The following ST8SIA4 variants were observed in gnomAD, a reference collection of about 807,000 sequenced individuals.
ST8SIA4 encodes ST8 alpha-N-acetyl-neuraminide alpha-2,8-sialyltransferase 4, also known as CMP-N-acetylneuraminate-poly-alpha-2,8-sialyltransferase.
ST8SIA4 carries 15 observed loss-of-function variants against 33.9 expected under a neutral mutation model. That is an observed-to-expected ratio of 0.44 (90% CI 0.30 to 0.68). The LOEUF is 0.68. ST8SIA4 is among the 30% of genes least tolerant of loss of function. ST8SIA4 has a pLI of 0.10. For synonymous variants in ST8SIA4, 171 were observed against 151.2 expected, an observed-to-expected ratio of 1.13 and a Z score of -0.96; for missense variants, 321 against 428.0, an observed-to-expected ratio of 0.75 and a Z score of 2.21.
intron 4 of ST8SIA4, among the ~76,000 whole-genome samples, chr5:100,819,312 A>C (rs1421230092): frequency 1.3e-5 from 2 of 152,208 alleles, no homozygotes; most frequent in Non-Finnish European, 2.9e-5. Flanking sequence ...GGAAATTCTA[A>C]GTGGTTCCTA....
Position 100,812,311 on chromosome 5 carries a change from T to C in ST8SIA4, c.798-182A>G, listed in dbSNP as rs536566261. Among the ~76,000 whole-genome samples the C allele has an allele frequency of 6.3e-4, 96 of 152,320 alleles. No homozygotes were observed. The South Asian group carries it at 6.6e-3, about 11-fold the overall frequency. On this transcript the variant is annotated intron_variant, in intron 4 of 4. Coordinates refer to ENST00000231461, the MANE Select transcript of ST8SIA4 (RefSeq NM_005668.6). ...TGATGCTTTTATTTTATTTCTTCTT[T>C]ATCCTTTATTTTCTTTCTTATTCTT...
At chr5:100,897,476 C>T (rs1208420592) in intron 1 of ST8SIA4, among the ~76,000 whole-genome samples, 4 of 152,052 alleles carry the variant, frequency 2.6e-5, no homozygotes, top group Non-Finnish European at 5.9e-5. Context: ...CTTTACATCG[C>T]CTTTTACTTC....
At chr5:100,835,200 T>A (rs1375183400) in intron 4 of ST8SIA4, among the ~76,000 whole-genome samples, 1 of 152,154 alleles carries the variant, frequency 6.6e-6, no homozygotes, top group African/African-American at 2.4e-5. Flanking sequence ...AAATGGCACA[T>A]GATTAGCTAT....
At chr5:100,856,003 A>C in intron 4 of ST8SIA4, 100 bp downstream of exon 4, 1 of 1,081,062 alleles carries the variant, frequency 9.3e-7, no homozygotes, top group Non-Finnish European at 1.3e-6. Context: ...ACATATATCC[A>C]TTTGGAGATT....
At chr5:100,836,759 A>T (rs1340433675) in intron 4 of ST8SIA4, among the ~76,000 whole-genome samples, 1 of 152,020 alleles carries the variant, frequency 6.6e-6, no homozygotes, top group Non-Finnish European at 1.5e-5. Flanking sequence ...TTCTAAAAGC[A>T]TTATCTCCAG....
intron 4 of ST8SIA4, among the ~76,000 whole-genome samples, chr5:100,820,299 C>T (rs1751010596): frequency 1.3e-5 from 2 of 152,080 alleles, no homozygotes; most frequent in South Asian, 4.1e-4. Flanking sequence ...CTTTATCTGA[C>T]ATAACATGCA....
intron 4 of ST8SIA4, among the ~76,000 whole-genome samples, chr5:100,854,194 C>G (rs1207370782): frequency 6.6e-6 from 1 of 151,506 alleles, no homozygotes; most frequent in African/African-American, 2.4e-5. Context: ...AAGGCGGTGA[C>G]TTACTCTCCA....
At chr5:100,839,111 A>T (rs1306924650) in intron 4 of ST8SIA4, among the ~76,000 whole-genome samples, 1 of 151,972 alleles carries the variant, frequency 6.6e-6, no homozygotes, top group Non-Finnish European at 1.5e-5. Flanking sequence ...TACAGGCATG[A>T]GCCACCACAC....
At chr5:100,889,507 C>A (rs892395567) in intron 2 of ST8SIA4, among the ~76,000 whole-genome samples, 1 of 151,876 alleles carries the variant, frequency 6.6e-6, no homozygotes, top group Non-Finnish European at 1.5e-5. Context: ...AAGGGAAAAT[C>A]TATTTTATTT....
At chr5:100,862,528 A>T (rs1751969106) in intron 3 of ST8SIA4, among the ~76,000 whole-genome samples, 1 of 151,516 alleles carries the variant, frequency 6.6e-6, no homozygotes, top group Non-Finnish European at 1.5e-5. Flanking sequence ...CCTCCTAAGT[A>T]GCTGGGATTA....
In ST8SIA4 at chr5:100,842,556, G is replaced by A. The variant is rs142195159; in HGVS notation, c.797+13547C>T. On this transcript the variant is annotated intron_variant, in intron 4 of 4. Coordinates refer to ENST00000231461, the MANE Select transcript of ST8SIA4 (RefSeq NM_005668.6). The stretch of plus-strand genomic sequence containing the variant: ...CCAGTTTTTATTATTCTCAGATAGG[G>A]GCTATTAACATTTATAATGACTGTA... 2.0e-5 allele frequency among the ~76,000 whole-genome samples: 3 copies of A among 151,770 alleles called. No homozygotes were observed. In the East Asian group the frequency reaches 5.8e-4, roughly 29 times the overall value.
intron 3 of ST8SIA4, among the ~76,000 whole-genome samples, chr5:100,857,666 T>G (rs1234578341): frequency 6.6e-6 from 1 of 152,042 alleles, no homozygotes; most frequent in Non-Finnish European, 1.5e-5. Flanking sequence ...ATTGAATTAT[T>G]AAACATTTTA....
intron 4 of ST8SIA4, among the ~76,000 whole-genome samples, chr5:100,824,720 C>T (rs1751102002): frequency 6.6e-6 from 1 of 151,920 alleles, no homozygotes; most frequent in Admixed American, 6.6e-5. Flanking sequence ...TAAGAAAATA[C>T]ACCTAATGAG....
intron 1 of ST8SIA4, 137 bp from the exon 2 acceptor site, chr5:100,895,922 G>T: frequency 1.2e-6 from 1 of 826,864 alleles, no homozygotes; most frequent in Non-Finnish European, 1.8e-6. Flanking sequence ...AAATACGCAA[G>T]CATGATGAAA....
chr5:100,809,785 A>G lies in ST8SIA4; in HGVS notation c.*2062T>C, dbSNP rs1162311766. On this transcript the variant is annotated 3_prime_UTR_variant, in exon 5 of 5. Transcript: ENST00000231461. ...AATTATAAAAGTACATTAATGTTCC[A>G]TTCATTTTTAGCTATCAGTCTCCTA... The G allele has an allele frequency of 6.6e-6, 1 of 152,206 alleles. No individual in the cohort carries two copies. Among genetic ancestry groups the G allele is most frequent in the East Asian group, 1.9e-4 (1 of 5,202 alleles). The allele number at this position is 152,206 out of a possible 1,614,324, so 9.4% of individuals were successfully genotyped here.
chr5:100,876,390 A>C (rs1752306547), intron 3 of ST8SIA4, among the ~76,000 whole-genome samples: 1 of 152,106 alleles, frequency 6.6e-6, no homozygotes. Context: ...CATAAATGGC[A>C]CATCAATGCC....
intron 1 of ST8SIA4, among the ~76,000 whole-genome samples, chr5:100,900,890 A>T (rs1326091537): frequency 1.3e-5 from 2 of 152,168 alleles, no homozygotes; most frequent in East Asian, 3.9e-4. Context: ...GCAGCAGGGG[A>T]TAACCCCGGT....
chr5:100,862,087 C>T (rs1368193690), intron 3 of ST8SIA4, among the ~76,000 whole-genome samples: 1 of 152,194 alleles, frequency 6.6e-6, no homozygotes, highest in Non-Finnish European at 1.5e-5. Flanking sequence ...ATTTATAACA[C>T]ATTTAGTAAG....
intron 2 of ST8SIA4, among the ~76,000 whole-genome samples, chr5:100,889,719 G>A (rs1752618137): frequency 6.6e-6 from 1 of 151,904 alleles, no homozygotes; most frequent in Non-Finnish European, 1.5e-5. Context: ...GTTAAGCACA[G>A]TTTTAAAAGA....
Sources: allele counts gnomAD v4.1 joint callset (sites outside exome capture counted in the v4.1 genomes callset), GRCh38; gene constraint gnomAD v4.1.1; transcripts MANE v1.5; gene names NCBI Gene and HGNC (gene_info 2026-07-23, HGNC 2026-07-21).